The following TUBB3 variants were observed in gnomAD, a reference collection of about 807,000 sequenced individuals.
TUBB3 encodes the protein tubulin beta 3 class III.
In TUBB3, 17 loss-of-function variants were observed where a neutral mutation model predicts 37.8. The ratio of observed to expected loss-of-function variants is 0.45; its 90% CI spans 0.31 to 0.67. The LOEUF (loss-of-function observed/expected upper bound fraction) is 0.67. Ranked by LOEUF, TUBB3 falls within the 30% of genes least tolerant of loss-of-function variation. TUBB3 has a pLI of 0.07. For synonymous variants in TUBB3, 332 were observed against 278.9 expected (o/e 1.19, Z -1.90); for missense variants, 262 against 657.9 (o/e 0.40, Z 6.58).
chr16:89,923,429 G>A lies in TUBB3; in HGVS notation c.28G>A (p.Gly10Ser). The change falls in exon 1 of 4, where the codon GGC (glycine) becomes AGC (serine). Residue 10 changes from glycine (G) to serine (S), a missense_variant. Physicochemically the swap from Gly to Ser is moderately conservative, Grantham distance 56. Transcript: ENST00000315491. ...GAGGGAGATCGTGCACATCCAGGCCGGCCAGTGCGGCAACCAGATCGGGGC... is the reference window on the plus strand; with the variant it reads ...GAGGGAGATCGTGCACATCCAGGCCAGCCAGTGCGGCAACCAGATCGGGGC... The part of the protein sequence containing the change: MREIVHIQA[G>S]QCGNQIGAKF... 1 of 1,512,874 alleles carries A rather than the reference G, an allele frequency of 6.6e-7. No homozygotes were observed. Among genetic ancestry groups the A allele is most frequent in the South Asian group, 1.2e-5 (1 of 82,098 alleles). 93.7% of individuals were successfully genotyped at this position (1,512,874 alleles called of 1,614,324 possible).
At chr16:89,925,552 C>T (rs1268543042) in intron 1 of TUBB3, among the ~76,000 whole-genome samples, 3 of 152,032 alleles carry the variant, frequency 2.0e-5, no homozygotes, top group Non-Finnish European at 4.4e-5. Flanking sequence ...ACTATGACCG[C>T]ACCACTGTAC....
intron 2 of TUBB3, chr16:89,933,162 A>G (rs1363394658): frequency 4.7e-6 from 3 of 642,216 alleles, no homozygotes. Context: ...TCCTGGACTC[A>G]AGCGATCCAC....
At chr16:89,922,922 C>G (rs754168271), upstream of TUBB3, among the ~76,000 whole-genome samples, 15 of 152,244 alleles carry the variant, frequency 9.9e-5, no homozygotes, top group South Asian at 8.3e-4. Flanking sequence ...AGACAGGGAG[C>G]TGGGATGGTG....
intron 1 of TUBB3, among the ~76,000 whole-genome samples, chr16:89,925,234 G>T (rs1346228574): frequency 6.6e-6 from 1 of 152,108 alleles, no homozygotes; most frequent in African/African-American, 2.4e-5. Flanking sequence ...CTCTTAGTTT[G>T]CCCGCTACTT....
Position 89,932,622 on chromosome 16 carries a change from G to T in TUBB3, c.109G>T (p.Val37Leu). The stretch of plus-strand genomic sequence containing the variant: ...TGGCATCGACCCCAGCGGCAACTAC[G>T]TGGGCGACTCGGACTTGCAGCTGGA... ...EHGIDPSGNY[V>L]GDSDLQLERI... Residue 37 changes from valine to leucine, a missense_variant, in exon 2 of 4, where the codon GTG becomes TTG. Val to Leu is a conservative substitution (Grantham distance 32). Transcript: ENST00000315491. 1 of 1,614,172 alleles carries T rather than the reference G, an allele frequency of 6.2e-7. No individual in the cohort carries two copies. The highest frequency in any genetic ancestry group is 8.5e-7 in the Non-Finnish European group (1 of 1,180,034).
At chr16:89,934,089 C>T in intron 3 of TUBB3, 1 of 352,378 alleles carries the variant, frequency 2.8e-6, no homozygotes, top group South Asian at 2.2e-5. Context: ...GTTCCCACGC[C>T]TGTGTCCTGG....
chr16:89,932,861 C>A, intron 2 of TUBB3, 182 bp downstream of exon 2: 1 of 634,346 alleles, frequency 1.6e-6, no homozygotes, highest in Non-Finnish European at 2.8e-6. Flanking sequence ...ACAGAACAGA[C>A]AATAAATCAC....
In TUBB3 at chr16:89,933,909, C is replaced by G. The variant is rs1412313805; in HGVS notation, c.277+331C>G. On this transcript the variant is annotated intron_variant, in intron 3 of 3. Transcript: ENST00000315491. ...CGAGGCCTTGCTGCGGTCAAGAGAT[C>G]AGGACGTTCCCATGCCTGTGTCCTG... The G allele has an allele frequency of 1.3e-5, 8 of 638,880 alleles. No homozygotes were observed. In the East Asian group the frequency reaches 2.2e-4, roughly 17 times the overall value. 39.6% of individuals were successfully genotyped at this position (638,880 alleles called of 1,614,324 possible). A position where few individuals can be genotyped will look rare whatever the true frequency, so the allele number is the denominator to read the frequency against.
At chr16:89,926,534 C>G (rs2030092560) in intron 1 of TUBB3, among the ~76,000 whole-genome samples, 1 of 152,166 alleles carries the variant, frequency 6.6e-6, no homozygotes, top group Non-Finnish European at 1.5e-5. Flanking sequence ...CCGGGCCGAG[C>G]GCCTGGCCTC....
intron 3 of TUBB3, 37 bp downstream of exon 3, chr16:89,933,615 C>G (rs762294071): frequency 4.6e-6 from 7 of 1,537,606 alleles, no homozygotes; most frequent in South Asian, 3.3e-5. Flanking sequence ...ATGGCAGACC[C>G]CATCACAGGC....
chr16:89,932,750 C>A, intron 2 of TUBB3, 71 bp downstream of exon 2: 2 of 1,268,374 alleles, frequency 1.6e-6, no homozygotes, highest in Non-Finnish European at 2.3e-6. Flanking sequence ...CTGACCAGGT[C>A]TCAGCACCTG....
upstream of TUBB3, among the ~76,000 whole-genome samples, chr16:89,922,965 A>T (rs1225919611): frequency 6.6e-6 from 1 of 152,196 alleles, no homozygotes; most frequent in Non-Finnish European, 1.5e-5. Flanking sequence ...TGGGGAAAAA[A>T]GACCCTCCGT....
intron 1 of TUBB3, among the ~76,000 whole-genome samples, chr16:89,930,412 T>G (rs2030241905): frequency 6.6e-6 from 1 of 150,888 alleles, no homozygotes; most frequent in Non-Finnish European, 1.5e-5. Context: ...TATGAGTGGT[T>G]TTGTTTCTAT....
chr16:89,928,755 A>G (rs1053523066), intron 1 of TUBB3, among the ~76,000 whole-genome samples: 1 of 151,680 alleles, frequency 6.6e-6, no homozygotes, highest in Admixed American at 6.6e-5. Context: ...CGATCTCCTG[A>G]CCTCATGATC....
chr16:89,931,992 G>T, intron 1 of TUBB3: 1 of 274,912 alleles, frequency 3.6e-6, no homozygotes, highest in South Asian at 3.2e-5. Context: ...ACCCAGCTGG[G>T]GGTCCCCGAT....
intron 1 of TUBB3, among the ~76,000 whole-genome samples, chr16:89,926,487 C>G (rs565392974): frequency 8.5e-5 from 13 of 152,266 alleles, no homozygotes; most frequent in Non-Finnish European, 1.2e-4. Context: ...TCCCCAGGAC[C>G]CCAAGCGCTG....
chr16:89,930,589 T>C (rs904483471), intron 1 of TUBB3, among the ~76,000 whole-genome samples: 17 of 151,568 alleles, frequency 1.1e-4, no homozygotes, highest in Admixed American at 1.1e-3. Flanking sequence ...TGGCTAATTT[T>C]TGTATTTTTA....
At position 89,929,482 on chromosome 16, in the gene TUBB3, G is replaced by C. The variant is rs866377604; in HGVS notation, c.58-3089G>C. On this transcript the variant is annotated intron_variant, in intron 1 of 3. Transcript: ENST00000315491. ...GGTGGTCCATGTCCATGCTGTCCGC[G>C]TTACAATAATTACACTATGTTTATT... Among the ~76,000 whole-genome samples, 6 of 152,074 alleles carry C rather than the reference G, an allele frequency of 3.9e-5. No homozygotes were observed. The South Asian group carries it at 1.2e-3, about 32-fold the overall frequency.
rs1017081448 is a variant in TUBB3 at position 89,931,162 on chromosome 16, C to T, written c.58-1409C>T. On this transcript the variant is annotated intron_variant, in intron 1 of 3. Coordinates refer to ENST00000315491, the MANE Select transcript of TUBB3 (RefSeq NM_006086.4). ...ATCTTAAAACACATCTCCTGTGTCT[C>T]CATTCCAAAGCGCATCTTTGTCTAC... Among the ~76,000 whole-genome samples the T allele has an allele frequency of 3.5e-4, 53 of 152,286 alleles. 1 individual carries two copies. Among genetic ancestry groups the T allele is most frequent in the Middle Eastern group, 6.8e-3 (2 of 294 alleles).
Sources: allele counts gnomAD v4.1 joint callset (sites outside exome capture counted in the v4.1 genomes callset), GRCh38; gene constraint gnomAD v4.1.1; transcripts MANE v1.5; gene names NCBI Gene and HGNC (gene_info 2026-07-23, HGNC 2026-07-21).